NRP2: variants seen among roughly 807,000 people sequenced by gnomAD.
NRP2 encodes neuropilin-2.
A neutral mutation model predicts 110.4 loss-of-function variants in NRP2; 52 were observed. The ratio of observed to expected loss-of-function variants is 0.47; its 90% confidence interval spans 0.38 to 0.59. The LOEUF is 0.59. NRP2 is among the 20% of genes least tolerant of loss of function. The probability of loss-of-function intolerance (pLI) is 0.00; values close to 1 mark genes in which losing one functional copy is unlikely to be tolerated. For missense variants in NRP2, 1,049 were observed against 1,203.0 expected (o/e 0.87, Z 1.89); for synonymous variants, 508 against 468.9 (o/e 1.08, Z -1.08).
rs539758767 is a variant in NRP2, at chr2:205,697,395, A to G, written c.74-149A>G. The G allele has an allele frequency of 2.1e-5, 16 of 766,886 alleles. No homozygotes were observed. The East Asian group carries it at 3.7e-4, about 18-fold the overall frequency. 47.5% of individuals were successfully genotyped at this position (766,886 alleles called of 1,614,324 possible). ...GAGCCGGAATAATCTCTTCCACCGA[A>G]TGAGTAAGTAGGTTAGTCTTCTGGA... On this transcript the variant is annotated intron_variant, in intron 1 of 16. Coordinates refer to ENST00000357785, the MANE Select transcript of NRP2 (RefSeq NM_003872.3).
At chr2:205,740,713 C>T (rs778811299) in intron 8 of NRP2, 50 bp downstream of exon 8, 2 of 1,607,674 alleles carry the variant, frequency 1.2e-6, no homozygotes, top group Admixed American at 1.7e-5. Context: ...GCCCTAGGCT[C>T]TGCTCCCTTT....
intron 6 of NRP2, 80 bp from the exon 7 acceptor site, chr2:205,727,811 G>A (rs2057156288): frequency 1.4e-6 from 2 of 1,433,264 alleles, no homozygotes; most frequent in Non-Finnish European, 1.9e-6. Context: ...AAAGTCTAAT[G>A]ATTGTGTCCT....
intron 3 of NRP2, among the ~76,000 whole-genome samples, chr2:205,721,038 T>C (rs2057001112): frequency 1.3e-5 from 2 of 152,222 alleles, no homozygotes; most frequent in African/African-American, 4.8e-5. Context: ...GAATTTTCTG[T>C]CTGGTGCTGA....
At chr2:205,742,926 C>T (rs2057468678) in intron 8 of NRP2, among the ~76,000 whole-genome samples, 3 of 152,216 alleles carry the variant, frequency 2.0e-5, no homozygotes, top group Admixed American at 6.5e-5. Flanking sequence ...CCTCTATTAG[C>T]TCCCCTTTAG....
At chr2:205,762,223 CAT>C (rs1339557873) in intron 12 of NRP2, 1 of 152,186 alleles carries the variant, frequency 6.6e-6, no homozygotes, top group Non-Finnish European at 1.5e-5. Flanking sequence ...AAACTGGTCT[CAT>C]TTGACTTCAG....
chr2:205,768,920 G>A (rs977449979), intron 15 of NRP2, among the ~76,000 whole-genome samples: 2 of 152,192 alleles, frequency 1.3e-5, no homozygotes, highest in African/African-American at 4.8e-5. Context: ...GTTTTACATG[G>A]AGATCTGAGT....
chr2:205,767,574 G>T, intron 15 of NRP2: 2 of 287,064 alleles, frequency 7.0e-6, no homozygotes, highest in Non-Finnish European at 7.0e-6. Flanking sequence ...CCTCATCCAG[G>T]TTATAAAAAA....
chr2:205,687,372 G>T (rs547792400), intron 1 of NRP2, among the ~76,000 whole-genome samples: 2 of 152,132 alleles, frequency 1.3e-5, no homozygotes, highest in Non-Finnish European at 2.9e-5. Flanking sequence ...TAGATTTTAC[G>T]CAGACGGCCT....
At chr2:205,746,017 G>T in intron 10 of NRP2, 127 bp downstream of exon 10, 1 of 1,061,636 alleles carries the variant, frequency 9.4e-7, no homozygotes, top group Non-Finnish European at 1.4e-6. Flanking sequence ...GCAGACCCCT[G>T]CCATGTTCTC....
At chr2:205,723,652 T>C in intron 4 of NRP2, 133 bp from the exon 5 acceptor site, 1 of 882,628 alleles carries the variant, frequency 1.1e-6, no homozygotes, top group Non-Finnish European at 1.8e-6. Flanking sequence ...TTGAAACATA[T>C]CTTTGGTTTT....
At chr2:205,776,873 A>C in intron 15 of NRP2, 1 of 1,213,802 alleles carries the variant, frequency 8.2e-7, no homozygotes, top group Non-Finnish European at 1.0e-6. Flanking sequence ...GCCTTATCCC[A>C]TACCTCCTCT....
At chr2:205,690,254 G>A (rs755433359) in intron 1 of NRP2, among the ~76,000 whole-genome samples, 1 of 152,168 alleles carries the variant, frequency 6.6e-6, no homozygotes, top group Non-Finnish European at 1.5e-5. Context: ...TGAGGAGGGG[G>A]TTGAGTAAAG....
chr2:205,722,173 A>ACACG, intron 3 of NRP2: 1 of 12,512 alleles, frequency 8.0e-5, no homozygotes, highest in Non-Finnish European at 2.4e-4. Flanking sequence ...TCTCTCTCAT[A>ACACG]CACACACACA....
chr2:205,707,283 C>T (rs1009346548), intron 2 of NRP2, among the ~76,000 whole-genome samples: 6 of 152,226 alleles, frequency 3.9e-5, no homozygotes, highest in Non-Finnish European at 7.3e-5. Context: ...TAGTCACAAA[C>T]GGAAGCGGTT....
chr2:205,766,110 T>C (rs571856894), intron 14 of NRP2, among the ~76,000 whole-genome samples: 18 of 152,306 alleles, frequency 1.2e-4, no homozygotes, highest in African/African-American at 4.3e-4. Flanking sequence ...CCAAAGTTGT[T>C]GTAGGATTAA....
chr2:205,789,427 C>T (rs2058273187), intron 15 of NRP2, among the ~76,000 whole-genome samples: 1 of 152,210 alleles, frequency 6.6e-6, no homozygotes, highest in Non-Finnish European at 1.5e-5. Context: ...GCCCATCTCA[C>T]ACTCACCAAC....
chr2:205,707,166 G>A lies in NRP2; in HGVS notation c.252-9027G>A, dbSNP rs866626209. On this transcript the variant is annotated intron_variant, in intron 2 of 16. Transcript: ENST00000357785. ...AACCCCAACCTGTTCTCTCAGAATG[G>A]AAAGGGCATTTCTGGGATGGGGAGA... is the stretch of plus-strand genomic sequence containing the variant. 3.9e-5 allele frequency among the ~76,000 whole-genome samples: 6 copies of A among 152,348 alleles called. No individual in the cohort carries two copies. In the Middle Eastern group the frequency reaches 0.01, roughly 259 times the overall value.
chr2:205,795,457 G>A lies in NRP2; in HGVS notation c.*399G>A, dbSNP rs1403323297. 1 of 152,294 alleles carries A rather than the reference G, an allele frequency of 6.6e-6. No individual in the cohort carries two copies. The highest frequency in any genetic ancestry group is 2.4e-5 in the African/African-American group (1 of 41,410). The allele number at this position is 152,294 out of a possible 1,614,324, so 9.4% of individuals were successfully genotyped here. A position where few individuals can be genotyped will look rare whatever the true frequency, so the allele number is the denominator to read the frequency against. On this transcript the variant is annotated 3_prime_UTR_variant, in exon 17 of 17. Transcript: ENST00000357785. ...AGAGGAGAATGACTTTTCCAGAATA[G>A]AAGTGGAGCAGTGATCATTATTCTC...
intron 7 of NRP2, among the ~76,000 whole-genome samples, chr2:205,730,270 C>T (rs2057211052): frequency 6.6e-6 from 1 of 151,904 alleles, no homozygotes; most frequent in Non-Finnish European, 1.5e-5. Context: ...GTCAGCGCAG[C>T]TCTCTGGGCT....
Sources: gnomAD v4.1 joint callset for allele counts (sites outside exome capture counted in the v4.1 genomes callset) on GRCh38, gnomAD v4.1.1 for gene constraint, MANE v1.5 for transcripts, NCBI Gene and HGNC (gene_info 2026-07-23, HGNC 2026-07-21) for gene names.